The following SNCAIP variants were observed in gnomAD, a reference collection of about 807,000 sequenced individuals.
The protein encoded by SNCAIP is synphilin-1.
SNCAIP carries 43 observed loss-of-function variants against 86.7 expected under a neutral mutation model. The ratio of observed to expected loss-of-function variants is 0.50; its 90% confidence interval spans 0.39 to 0.64. SNCAIP has a LOEUF of 0.64. Among genes scored for constraint, SNCAIP ranks in the 30% least tolerant of loss-of-function variants. The pLI, the probability that SNCAIP is intolerant of heterozygous loss-of-function variation, is 0.00. For synonymous variants in SNCAIP, 417 were observed against 427.2 expected (o/e 0.98, Z 0.29); for missense variants, 981 against 1,103.1 (o/e 0.89, Z 1.57).
Position 122,450,837 on chromosome 5 carries a change from T to G in SNCAIP, c.1990T>G (p.Leu664Val), listed in dbSNP as rs759395460. 6.2e-7 allele frequency: 1 copy of G among 1,614,100 alleles called. No individual in the cohort carries two copies. The highest frequency in any genetic ancestry group is 1.1e-5 in the South Asian group (1 of 91,074). The change falls in exon 10 of 11, where the codon TTA (leucine) becomes GTA (valine). Residue 664 changes from leucine to valine, a missense_variant. By Grantham distance (32) the Leu-to-Val change is conservative. Transcript: ENST00000261368. ...CCCACTGGAGAAGAGGGAACTGAAG[T>G]TAGCCAGGCTGAGACAGCTGATGCA... ...KIPLEKRELK[L>V]ARLRQLMQRS...
At chr5:122,325,289 T>C (rs1327541419) in intron 1 of SNCAIP, among the ~76,000 whole-genome samples, 1 of 151,952 alleles carries the variant, frequency 6.6e-6, no homozygotes, top group Admixed American at 6.6e-5. Context: ...GCCAATGGGG[T>C]GGATCAGCAA....
intron 1 of SNCAIP, among the ~76,000 whole-genome samples, chr5:122,361,774 C>T (rs1389821235): frequency 6.6e-6 from 1 of 152,124 alleles, no homozygotes; most frequent in Non-Finnish European, 1.5e-5. Context: ...ACAGCCTTTC[C>T]ACCCACATTT....
Position 122,377,781 on chromosome 5 carries a change from T to C in SNCAIP, c.-46-13308T>C, listed in dbSNP as rs1258396379. Among the ~76,000 whole-genome samples, 4 of 144,482 alleles carry C rather than the reference T, an allele frequency of 2.8e-5. No individual in the cohort carries two copies. In the East Asian group the frequency reaches 8.3e-4, roughly 30 times the overall value. 94.8% of individuals were successfully genotyped at this position (144,482 alleles called of 152,430 possible). ...TTCAATTCCCACCTATGAGTGAGAA[T>C]ATGCGGTGTTTGGTTTTTTGTTCTT... is the stretch of plus-strand genomic sequence containing the variant. On this transcript the variant is annotated intron_variant, in intron 1 of 10. Coordinates refer to ENST00000261368, the MANE Select transcript of SNCAIP (RefSeq NM_005460.4).
chr5:122,428,880 A>T (rs927075964), intron 5 of SNCAIP, among the ~76,000 whole-genome samples: 4 of 151,996 alleles, frequency 2.6e-5, no homozygotes, highest in Admixed American at 6.6e-5. Context: ...GCTCAGAATG[A>T]TGGTTTCCAG....
intron 1 of SNCAIP, among the ~76,000 whole-genome samples, chr5:122,358,306 T>C (rs987368410): frequency 2.0e-5 from 3 of 149,668 alleles, no homozygotes; most frequent in Middle Eastern, 6.8e-3. Flanking sequence ...GCTGCACCCA[T>C]TAACTCGTCA....
At chr5:122,436,962 G>A (rs1779628713) in intron 6 of SNCAIP, 1 of 152,186 alleles carries the variant, frequency 6.6e-6, no homozygotes, top group Admixed American at 6.5e-5. Flanking sequence ...AAGGTTGAAT[G>A]GATAAGTGGA....
At chr5:122,459,420 G>A (rs1785565119) in intron 10 of SNCAIP, among the ~76,000 whole-genome samples, 1 of 152,150 alleles carries the variant, frequency 6.6e-6, no homozygotes, top group South Asian at 2.1e-4. Context: ...CACTCAGAAT[G>A]TGATTTCATA....
At chr5:122,421,201 C>T (rs1282923408) in intron 3 of SNCAIP, among the ~76,000 whole-genome samples, 1 of 152,206 alleles carries the variant, frequency 6.6e-6, no homozygotes, top group Non-Finnish European at 1.5e-5. Context: ...CCTTCCACAG[C>T]TCGTAGTATT....
intron 1 of SNCAIP, among the ~76,000 whole-genome samples, chr5:122,330,117 C>CCTTTTTTTT (rs1415466705): frequency 4.1e-5 from 4 of 96,848 alleles, no homozygotes; most frequent in African/African-American, 1.7e-4. Flanking sequence ...AACTTCATTT[C>CCTTTTTTTT]TTTTTTTTTT....
At chr5:122,415,519 A>T (rs748623201) in intron 3 of SNCAIP, among the ~76,000 whole-genome samples, 3 of 152,230 alleles carry the variant, frequency 2.0e-5, no homozygotes, top group Non-Finnish European at 4.4e-5. Context: ...TAATGTGGAC[A>T]CATAGTCCAT....
chr5:122,416,265 T>C (rs114249187), intron 3 of SNCAIP, among the ~76,000 whole-genome samples: 6,355 of 152,240 alleles, frequency 0.042, 417 homozygotes, highest in African/African-American at 0.14. Context: ...AGCTGCTTGA[T>C]ATCAGTAGCC....
intron 3 of SNCAIP, among the ~76,000 whole-genome samples, chr5:122,413,359 C>A (rs1332583158): frequency 2.0e-5 from 3 of 152,138 alleles, no homozygotes; most frequent in Non-Finnish European, 4.4e-5. Context: ...CTACTCAGAT[C>A]TTCATAAAAT....
chr5:122,439,542 T>C lies in SNCAIP; in HGVS notation c.1297-1087T>C, dbSNP rs573601778. On this transcript the variant is annotated intron_variant, in intron 6 of 10. Coordinates refer to ENST00000261368, the MANE Select transcript of SNCAIP (RefSeq NM_005460.4). ...CATAAGGGGTGAAACATTAAAAGATTTGGCTGTTTTTATCCAACATTCCTT... is the reference window on the plus strand; with the variant it reads ...CATAAGGGGTGAAACATTAAAAGATCTGGCTGTTTTTATCCAACATTCCTT... Among the ~76,000 whole-genome samples the C allele has an allele frequency of 3.3e-5, 5 of 152,340 alleles. No individual in the cohort carries two copies. In the East Asian group the frequency reaches 5.8e-4, roughly 18 times the overall value.
intron 2 of SNCAIP, among the ~76,000 whole-genome samples, chr5:122,398,380 AAC>A (rs1438412278): frequency 1.3e-5 from 2 of 152,134 alleles, no homozygotes; most frequent in Non-Finnish European, 2.9e-5. Flanking sequence ...GGGACAATGG[AAC>A]ACAGTTTATA....
chr5:122,444,048 AC>A (rs1459071758), intron 7 of SNCAIP: 1 of 456,616 alleles, frequency 2.2e-6, no homozygotes, highest in Non-Finnish European at 4.4e-6. Context: ...GAGCTGCTTC[AC>A]AGCCTCCCCA....
chr5:122,316,871 T>A (rs933138012), intron 1 of SNCAIP, among the ~76,000 whole-genome samples: 9 of 152,196 alleles, frequency 5.9e-5, no homozygotes, highest in South Asian at 2.1e-4. Flanking sequence ...ACCTGGCCTC[T>A]CCAGCTTCAC....
intron 1 of SNCAIP, among the ~76,000 whole-genome samples, chr5:122,374,085 G>C (rs1194555500): frequency 2.0e-5 from 3 of 152,088 alleles, no homozygotes; most frequent in Admixed American, 6.6e-5. Context: ...TTTTCGTTCT[G>C]ATTGATATTC....
Position 122,339,346 on chromosome 5 carries a change from A to T in SNCAIP, c.-47+27062A>T, listed in dbSNP as rs557038698. Among the ~76,000 whole-genome samples the T allele has an allele frequency of 1.5e-4, 23 of 152,338 alleles. No individual in the cohort carries two copies. In the South Asian group the frequency reaches 4.8e-3, roughly 32 times the overall value. On this transcript the variant is annotated intron_variant, in intron 1 of 10. Transcript: ENST00000261368. ...TTCCATTTTACACACATGGAATGCCAATCAATTTTGAGTAGGCAACTAATT... is the reference window on the plus strand; with the variant it reads ...TTCCATTTTACACACATGGAATGCCTATCAATTTTGAGTAGGCAACTAATT...
chr5:122,431,927 G>A (rs1410683588), intron 5 of SNCAIP, 42 bp from the exon 6 acceptor site: 2 of 967,644 alleles, frequency 2.1e-6, no homozygotes, highest in Admixed American at 1.7e-5. Context: ...TCAAACCTGA[G>A]TTACCTTGAA....
Sources: gnomAD v4.1 joint callset for allele counts (sites outside exome capture counted in the v4.1 genomes callset) on GRCh38, gnomAD v4.1.1 for gene constraint, MANE v1.5 for transcripts, NCBI Gene and HGNC (gene_info 2026-07-23, HGNC 2026-07-21) for gene names.